The following KLHL5 variants were observed in gnomAD, a reference collection of about 807,000 sequenced individuals.
KLHL5 encodes the protein kelch like family member 5, also known as kelch-like protein 5.
KLHL5 carries 48 observed loss-of-function variants against 77.7 expected under a neutral mutation model. The observed-to-expected ratio is 0.62, with a 90% CI of 0.49 to 0.79. The LOEUF (loss-of-function observed/expected upper bound fraction) is 0.79, where lower values mean the gene tolerates loss of function less well. Among genes scored for constraint, KLHL5 ranks in the 30% least tolerant of loss-of-function variants. KLHL5 has a pLI of 0.00. For synonymous variants in KLHL5, 260 were observed against 297.0 expected (o/e 0.88, Z 1.28); for missense variants, 723 against 859.7 (o/e 0.84, Z 1.99).
At chr4:39,129,310 TG>T (rs1723711023), downstream of KLHL5, among the ~76,000 whole-genome samples, 1 of 151,712 alleles carries the variant, frequency 6.6e-6, no homozygotes, top group Non-Finnish European at 1.5e-5. This position sits in a 1 kb window ranked among gnomAD's most constrained non-coding sequence, Gnocchi z 4.2. Context: ...TGGGTTCAAG[TG>T]GTTCTCCTGC....
chr4:39,136,687 G>A, the KLHL5 span, among the ~76,000 whole-genome samples: 4 of 152,196 alleles, frequency 2.6e-5, no homozygotes, highest in African/African-American at 9.7e-5. Flanking sequence ...GTCAGAGCCT[G>A]AGTAGGATGA....
chr4:39,090,466 T>A (rs907736177), intron 5 of KLHL5, among the ~76,000 whole-genome samples: 4 of 150,772 alleles, frequency 2.7e-5, no homozygotes, highest in Non-Finnish European at 5.9e-5. Context: ...TTTTTTTTTT[T>A]AGACTGAGTT....
chr4:39,141,304 C>CTTT, the KLHL5 span, among the ~76,000 whole-genome samples: 63 of 75,624 alleles, frequency 8.3e-4, no homozygotes, highest in East Asian at 1.6e-3. Context: ...ATTTTTTAGT[C>CTTT]TTTTTTTTTT....
chr4:39,063,016 T>A lies in KLHL5; in HGVS notation c.364T>A (p.Ser122Thr). 1 of 1,612,576 alleles carries A rather than the reference T, an allele frequency of 6.2e-7. No homozygotes were observed. Among genetic ancestry groups the A allele is most frequent in the Non-Finnish European group, 8.5e-7 (1 of 1,179,072 alleles). The change falls in exon 1 of 11, where the codon TCT becomes ACT. Residue 122 changes from serine (S) to threonine (T), a missense_variant. Physicochemically the swap from Ser to Thr is moderately conservative, Grantham distance 58. This residue lies in a region of KLHL5 where 221 missense variants were observed against 222.1 expected (regional missense o/e 1.00). Coordinates refer to ENST00000504108, the MANE Select transcript of KLHL5 (RefSeq NM_015990.5). Reference sequence around the variant, plus strand: ...TGGCACTAGTGAAGAAGAAAATGAATCTGATTCCAGTTCATGCAGGTTGAT... The same window carrying A: ...TGGCACTAGTGAAGAAGAAAATGAAACTGATTCCAGTTCATGCAGGTTGAT... The part of the protein sequence containing the change: ...DDGTSEEENE[S>T]DSSSCRTSNS...
At chr4:39,094,157 T>C (rs1331142746) in intron 5 of KLHL5, among the ~76,000 whole-genome samples, 2 of 152,102 alleles carry the variant, frequency 1.3e-5, no homozygotes, top group Non-Finnish European at 2.9e-5. Flanking sequence ...GTGACAGTTA[T>C]GATTATTTGC....
chr4:39,065,279 A>T (rs4975029), intron 1 of KLHL5, among the ~76,000 whole-genome samples: 1 of 151,718 alleles, frequency 6.6e-6, no homozygotes, highest in Non-Finnish European at 1.5e-5. Flanking sequence ...GAGCAGTCAG[A>T]CTTCTCTAAG....
chr4:39,133,493 G>A, the KLHL5 span, among the ~76,000 whole-genome samples: 1 of 151,698 alleles, frequency 6.6e-6, no homozygotes, highest in Non-Finnish European at 1.5e-5. Context: ...AGTGCTTTGG[G>A]AGGCTGAGGC....
At chr4:39,113,338 A>C in intron 9 of KLHL5, 106 bp downstream of exon 9, 1 of 921,256 alleles carries the variant, frequency 1.1e-6, no homozygotes, top group Non-Finnish European at 1.6e-6. Flanking sequence ...GAAAGTCGGC[A>C]TTCAAAAATG....
At chr4:39,079,613 T>A (rs1317818047) in intron 2 of KLHL5, among the ~76,000 whole-genome samples, 2 of 152,154 alleles carry the variant, frequency 1.3e-5, no homozygotes, top group Non-Finnish European at 2.9e-5. Context: ...TACCACCCTT[T>A]CCCCATTTGC....
the KLHL5 span, among the ~76,000 whole-genome samples, chr4:39,140,027 G>A: frequency 1.3e-5 from 2 of 152,146 alleles, no homozygotes; most frequent in Non-Finnish European, 2.9e-5. Context: ...AGGAGTTCGA[G>A]ACCAGCCTGG....
intron 4 of KLHL5, among the ~76,000 whole-genome samples, chr4:39,085,901 A>G (rs1159440202): frequency 6.6e-6 from 1 of 152,158 alleles, no homozygotes; most frequent in Non-Finnish European, 1.5e-5. Flanking sequence ...AACAGACCCA[A>G]AATCCTAGAT....
chr4:39,050,253 TG>T (rs1409228581), intron 1 of KLHL5, among the ~76,000 whole-genome samples: 1 of 152,244 alleles, frequency 6.6e-6, no homozygotes, highest in Non-Finnish European at 1.5e-5. Context: ...TGTTCCTCTC[TG>T]CCTTTTTGGA....
intron 5 of KLHL5, among the ~76,000 whole-genome samples, chr4:39,096,314 AACTCCT>A (rs533283702): frequency 5.5e-4 from 83 of 152,236 alleles, no homozygotes; most frequent in Non-Finnish European, 9.1e-4. Flanking sequence ...ATAATTAGTC[AACTCCT>A]ACTTATAATT....
intron 2 of KLHL5, among the ~76,000 whole-genome samples, chr4:39,077,045 C>T (rs1273629761): frequency 6.7e-6 from 1 of 150,074 alleles, no homozygotes; most frequent in African/African-American, 2.5e-5. Context: ...GACTAATATC[C>T]AGAATCTACC....
intron 6 of KLHL5, among the ~76,000 whole-genome samples, chr4:39,098,076 C>T (rs1721226910): frequency 6.9e-6 from 1 of 145,276 alleles, no homozygotes; most frequent in Non-Finnish European, 1.5e-5. Context: ...ACAGAGGTTG[C>T]AGTGAGCCGA....
At chr4:39,058,867 C>T (rs1158468826), upstream of KLHL5, among the ~76,000 whole-genome samples, 1 of 151,780 alleles carries the variant, frequency 6.6e-6, no homozygotes, top group Admixed American at 6.6e-5. Flanking sequence ...CAAAACAAAG[C>T]CCCACTTAAG....
chr4:39,131,453 G>A (rs993480667), downstream of KLHL5, among the ~76,000 whole-genome samples: 1 of 152,164 alleles, frequency 6.6e-6, no homozygotes, highest in African/African-American at 2.4e-5. Context: ...GCAGACATTG[G>A]TTTCTGGGTA....
intron 1 of KLHL5, among the ~76,000 whole-genome samples, chr4:39,045,322 C>G (rs929881789): frequency 2.0e-5 from 3 of 150,944 alleles, no homozygotes; most frequent in Admixed American, 1.3e-4. Context: ...GCCCGGCCTC[C>G]CCGCTGCGCA....
chr4:39,074,847 G>T (rs149565344), intron 1 of KLHL5, among the ~76,000 whole-genome samples: 1 of 152,068 alleles, frequency 6.6e-6, no homozygotes, highest in Non-Finnish European at 1.5e-5. Flanking sequence ...TGAGAAATGA[G>T]AACTAAGTTA....
Sources: allele counts gnomAD v4.1 joint callset (sites outside exome capture counted in the v4.1 genomes callset), GRCh38; gene constraint gnomAD v4.1.1; regional missense constraint gnomAD v4.1.1; non-coding constraint Gnocchi (gnomAD v3.1); transcripts MANE v1.5; gene names NCBI Gene and HGNC (gene_info 2026-07-23, HGNC 2026-07-21).